Variants in IFNG observed in about 807,000 individuals in gnomAD.
IFNG encodes interferon gamma.
IFNG carries 8 observed loss-of-function variants against 14.4 expected under a neutral mutation model. The ratio of observed to expected loss-of-function variants is 0.56; its 90% CI spans 0.33 to 1.00. The LOEUF is 1.00. Among genes scored for constraint, IFNG ranks in the 50% least tolerant of loss-of-function variants. The pLI is 0.03. For missense variants in IFNG, 132 were observed against 194.9 expected (o/e 0.68, Z 1.92); for synonymous variants, 73 against 65.4 (o/e 1.12, Z -0.56).
intron 3 of IFNG, among the ~76,000 whole-genome samples, chr12:68,155,951 A>C (rs1882594044): frequency 2.0e-5 from 3 of 152,202 alleles, no homozygotes; most frequent in Admixed American, 2.0e-4. Flanking sequence ...CAAATGAGTA[A>C]CTATAGGTCA....
Position 68,155,392 on chromosome 12 carries a change from C to T in IFNG, c.462G>A (p.Arg154=). ...SPAAKTGKRK[R]SQMLFRGRRA... The stretch of plus-strand genomic sequence containing the variant: ...TTCGACCTCGAAACAGCATCTGACT[C>T]CTTTTTCGCTTCCCTGTTTTAGCTG... The change falls in exon 4 of 4, where the codon AGG becomes AGA. Residue 154 remains arginine (R), a synonymous_variant. Transcript: ENST00000229135. 6.2e-7 allele frequency: 1 copy of T among 1,611,924 alleles called. No individual in the cohort carries two copies. The highest frequency in any genetic ancestry group is 8.5e-7 in the Non-Finnish European group (1 of 1,178,770).
intron 3 of IFNG, among the ~76,000 whole-genome samples, chr12:68,157,521 G>T (rs1882618709): frequency 6.6e-6 from 1 of 152,140 alleles, no homozygotes; most frequent in South Asian, 2.1e-4. Context: ...CATCTTCTCA[G>T]CTCCTCCCAC....
intron 2 of IFNG, 32 bp from the exon 3 acceptor site, chr12:68,158,127 T>C (rs1187987408): frequency 1.9e-6 from 3 of 1,594,988 alleles, no homozygotes; most frequent in Admixed American, 1.7e-5. Context: ...CAGAGGATGA[T>C]GTGAATTTAT....
chr12:68,155,259 G>T lies in IFNG; in HGVS notation c.*94C>A. 1 of 813,370 alleles carries T rather than the reference G, an allele frequency of 1.2e-6. No individual in the cohort carries two copies. Among genetic ancestry groups the T allele is most frequent in the Non-Finnish European group, 1.8e-6 (1 of 560,930 alleles). 50.4% of individuals were successfully genotyped at this position (813,370 alleles called of 1,614,324 possible). A position where few individuals can be genotyped will look rare whatever the true frequency, so the allele number is the denominator to read the frequency against. On this transcript the variant is annotated 3_prime_UTR_variant, in exon 4 of 4. Coordinates refer to ENST00000229135, the MANE Select transcript of IFNG (RefSeq NM_000619.3). The stretch of plus-strand genomic sequence containing the variant: ...TGCTATTATAAATACTTATTTGATT[G>T]ATGAGTCTAAAAATATATTCCCCAT...
chr12:68,155,901 C>T (rs1308007602), intron 3 of IFNG, among the ~76,000 whole-genome samples: 1 of 152,084 alleles, frequency 6.6e-6, no homozygotes, highest in Non-Finnish European at 1.5e-5. Flanking sequence ...ATCAATCTAC[C>T]AATTATATCA....
intron 3 of IFNG, among the ~76,000 whole-genome samples, chr12:68,157,395 G>T (rs192963245): frequency 6.6e-6 from 1 of 152,262 alleles, no homozygotes; most frequent in Admixed American, 6.5e-5. Flanking sequence ...AGCAAAGAAG[G>T]TCATCAAACT....
At chr12:68,155,570 A>G (rs1057443271) in intron 3 of IFNG, 83 bp from the exon 4 acceptor site, 42 of 1,293,112 alleles carry the variant, frequency 3.2e-5, no homozygotes, top group Non-Finnish European at 4.4e-5. Context: ...GGTCAGTGAA[A>G]ATAAAAGTAT....
chr12:68,158,297 C>A (rs751268937), intron 1 of IFNG, 38 bp from the exon 2 acceptor site: 1 of 1,395,200 alleles, frequency 7.2e-7, no homozygotes. Flanking sequence ...TTACAATTAG[C>A]CCATAAATTG....
At chr12:68,158,342 G>T in intron 1 of IFNG, 83 bp from the exon 2 acceptor site, 1 of 895,148 alleles carries the variant, frequency 1.1e-6, no homozygotes, top group Non-Finnish European at 1.7e-6. Flanking sequence ...ATTGAACTCA[G>T]ATGTGACAAT....
At position 68,159,675 on chromosome 12, in the gene IFNG, C is replaced by G. The variant is rs1882657846; in HGVS notation, c.-60G>C. 4.7e-6 allele frequency: 4 copies of G among 856,980 alleles called. No homozygotes were observed. Among genetic ancestry groups the G allele is most frequent in the Admixed American group, 2.0e-5 (1 of 49,736 alleles). 53.1% of individuals were successfully genotyped at this position (856,980 alleles called of 1,614,324 possible). A position where few individuals can be genotyped will look rare whatever the true frequency, so the allele number is the denominator to read the frequency against. ...TCAGTAGTTCTTGTATCAAGCTGAT[C>G]AGGTCCAAAGGACTTAACTGATCTT... is the stretch of plus-strand genomic sequence containing the variant. On this transcript the variant is annotated 5_prime_UTR_variant, in exon 1 of 4. Transcript: ENST00000229135.
At position 68,155,491 on chromosome 12, in the gene IFNG, T is replaced by C; in HGVS notation, c.367-4A>G. ...GTTGGACATTCAAGTCAGTTACCTA[T>C]CGGGAAAGAAAAGAGCAAAATTAAT... On this transcript the variant is annotated splice_polypyrimidine_tract_variant and splice_region_variant and intron_variant, in intron 3 of 3. Coordinates refer to ENST00000229135, the MANE Select transcript of IFNG (RefSeq NM_000619.3). 2 of 1,599,382 alleles carry C rather than the reference T, an allele frequency of 1.3e-6. No individual in the cohort carries two copies. The highest frequency in any genetic ancestry group is 1.7e-6 in the Non-Finnish European group (2 of 1,172,914).
intron 1 of IFNG, 37 bp downstream of exon 1, chr12:68,159,465 C>T: frequency 1.0e-6 from 1 of 995,142 alleles, no homozygotes; most frequent in Non-Finnish European, 1.6e-6. Flanking sequence ...CAGTCATTTT[C>T]AACCACAAAC....
chr12:68,155,474 T>C lies in IFNG; in HGVS notation c.380A>G (p.Asn127Ser). Reference sequence around the variant, plus strand: ...TTCATGTATTGCTTTGCGTTGGACATTCAAGTCAGTTACCTATCGGGAAAG... The same window carrying C: ...TTCATGTATTGCTTTGCGTTGGACACTCAAGTCAGTTACCTATCGGGAAAG... ...KLTNYSVTDL[N>S]VQRKAIHELI... Residue 127 changes from asparagine (N) to serine (S), a missense_variant, in exon 4 of 4, where the codon AAT becomes AGT. Physicochemically the swap from Asn to Ser is conservative, Grantham distance 46 (BLOSUM62 1). Transcript: ENST00000229135. 1 of 1,605,692 alleles carries C rather than the reference T, an allele frequency of 6.2e-7. No individual in the cohort carries two copies. The highest frequency in any genetic ancestry group is 8.5e-7 in the Non-Finnish European group (1 of 1,176,160).
Position 68,155,460 on chromosome 12 carries a change from C to T in IFNG, c.394G>A (p.Ala132Thr), listed in dbSNP as rs2120739010. The change falls in exon 4 of 4, where the codon GCA becomes ACA. Residue 132 changes from alanine to threonine, a missense_variant. By Grantham distance (58) the Ala-to-Thr change is moderately conservative (BLOSUM62 0). Transcript: ENST00000229135. ...SVTDLNVQRK[A>T]IHELIQVMAE... Reference sequence around the variant, plus strand: ...ATCACTTGGATGAGTTCATGTATTGCTTTGCGTTGGACATTCAAGTCAGTT... The same window carrying T: ...ATCACTTGGATGAGTTCATGTATTGTTTTGCGTTGGACATTCAAGTCAGTT... The T allele has an allele frequency of 1.2e-6, 2 of 1,607,934 alleles. No homozygotes were observed. Among genetic ancestry groups the T allele is most frequent in the Non-Finnish European group, 1.7e-6 (2 of 1,177,132 alleles).
chr12:68,156,252 T>A (rs1165340118), intron 3 of IFNG, among the ~76,000 whole-genome samples: 1 of 152,258 alleles, frequency 6.6e-6, no homozygotes, highest in Non-Finnish European at 1.5e-5. Context: ...ATATATGGCT[T>A]ACTGATATAT....
At position 68,159,593 on chromosome 12, in the gene IFNG, A is replaced by G; in HGVS notation, c.23T>C (p.Leu8Ser). The change falls in exon 1 of 4, where the codon TTG becomes TCG. Residue 8 changes from leucine to serine, a missense_variant. Leu to Ser is a moderately radical substitution (Grantham distance 145). Coordinates refer to ENST00000229135, the MANE Select transcript of IFNG (RefSeq NM_000619.3). MKYTSYI[L>S]AFQLCIVLGS... ...CAAAACGATGCAGAGCTGAAAAGCC[A>G]AGATATAACTTGTATATTTCATCGT... The G allele has an allele frequency of 1.3e-6, 2 of 1,597,986 alleles. No individual in the cohort carries two copies. The highest frequency in any genetic ancestry group is 1.7e-6 in the Non-Finnish European group (2 of 1,167,630).
rs775023600 is a variant in IFNG at position 68,157,961 on chromosome 12, A to G, written c.318T>C (p.Asn106=). Residue 106 remains asparagine (N), a synonymous_variant, in exon 3 of 4, where the codon AAT becomes AAC. Coordinates refer to ENST00000229135, the MANE Select transcript of IFNG (RefSeq NM_000619.3). The stretch of plus-strand genomic sequence containing the variant: ...AGTCATCTCGTTTCTTTTTGTTGCT[A>G]TTGAAAAACTTGACATTCATGTCTT... ...IKEDMNVKFF[N]SNKKKRDDFE... is the part of the protein sequence containing the mutation. 2.5e-5 allele frequency: 41 copies of G among 1,608,194 alleles called. No homozygotes were observed. In the Admixed American group the frequency reaches 3.5e-4, roughly 14 times the overall value.
rs867591459 is a variant in IFNG, at chr12:68,156,896, C to T, written c.366+1017G>A. On this transcript the variant is annotated intron_variant, in intron 3 of 3. Coordinates refer to ENST00000229135, the MANE Select transcript of IFNG (RefSeq NM_000619.3). Reference sequence around the variant, plus strand: ...TTACATGAGAGGAGTGAGAGGCAGGCCCAGCAATAGTGAAAGCTGAGCACA... The same window carrying T: ...TTACATGAGAGGAGTGAGAGGCAGGTCCAGCAATAGTGAAAGCTGAGCACA... 1.4e-4 allele frequency among the ~76,000 whole-genome samples: 21 copies of T among 152,196 alleles called. No homozygotes were observed. In the South Asian group the frequency reaches 2.3e-3, roughly 17 times the overall value.
Position 68,155,242 on chromosome 12 carries a change from TA to T in IFNG, c.*110del. On this transcript the variant is annotated 3_prime_UTR_variant, in exon 4 of 4. Transcript: ENST00000229135. ...TTTCATTACACAAAAGTTGCTATTA[TA>T]AATACTTATTTGATTGATGAGTCTA... 2.9e-6 allele frequency: 2 copies of T among 681,672 alleles called. No homozygotes were observed. The highest frequency in any genetic ancestry group is 4.5e-6 in the Non-Finnish European group (2 of 447,784). The allele number at this position is 681,672 out of a possible 1,614,324, so 42.2% of individuals were successfully genotyped here. A position where few individuals can be genotyped will look rare whatever the true frequency, so the allele number is the denominator to read the frequency against.
Sources: allele counts gnomAD v4.1 joint callset (sites outside exome capture counted in the v4.1 genomes callset), GRCh38; gene constraint gnomAD v4.1.1; transcripts MANE v1.5; gene names NCBI Gene and HGNC (gene_info 2026-07-23, HGNC 2026-07-21).